The following UTRN variants were observed in gnomAD, a reference collection of about 807,000 sequenced individuals.
UTRN encodes the protein utrophin, also known as dystrophin-related protein 1.
Under a neutral mutation model 463.9 loss-of-function variants are expected in UTRN, and 283 were observed. The observed-to-expected ratio is 0.61, with a 90% CI of 0.55 to 0.67. The LOEUF (loss-of-function observed/expected upper bound fraction) is 0.67. UTRN is among the 30% of genes least tolerant of loss of function. The probability of loss-of-function intolerance (pLI) is 0.00; values close to 1 mark genes in which losing one functional copy is unlikely to be tolerated. For synonymous variants in UTRN, 1,442 were observed against 1,431.5 expected (o/e 1.01, Z -0.17); for missense variants, 3,922 against 4,084.3 (o/e 0.96, Z 1.08).
chr6:144,405,168 A>G (rs1343043286), intron 3 of UTRN, among the ~76,000 whole-genome samples: 1 of 152,242 alleles, frequency 6.6e-6, no homozygotes, highest in Non-Finnish European at 1.5e-5. Flanking sequence ...AAAACTACCA[A>G]ACGTGGGATG....
chr6:144,471,695 T>C (rs774242302), intron 23 of UTRN, among the ~76,000 whole-genome samples: 1 of 152,044 alleles, frequency 6.6e-6, no homozygotes, highest in African/African-American at 2.4e-5. Context: ...TATATAAGGG[T>C]AGCATGGACC....
At chr6:144,514,523 T>C (rs755859003) in intron 36 of UTRN, 127 bp from the exon 37 acceptor site, 249 of 968,352 alleles carry the variant, frequency 2.6e-4, no homozygotes, top group Non-Finnish European at 3.7e-4. Context: ...CCTGGTTGAT[T>C]ATGCTGAAAT....
At chr6:144,560,403 T>A (rs1799760042) in intron 50 of UTRN, among the ~76,000 whole-genome samples, 1 of 151,452 alleles carries the variant, frequency 6.6e-6, no homozygotes, top group South Asian at 2.1e-4. Context: ...CCATATCAGA[T>A]GAAAGATACG....
intron 69 of UTRN, among the ~76,000 whole-genome samples, chr6:144,832,489 G>C (rs1780751665): frequency 6.6e-6 from 1 of 152,124 alleles, no homozygotes; most frequent in Admixed American, 6.6e-5. Context: ...TTTCACTATG[G>C]ATAGTCAGTC....
At chr6:144,480,911 T>C (rs1791793362) in intron 26 of UTRN, among the ~76,000 whole-genome samples, 1 of 152,200 alleles carries the variant, frequency 6.6e-6, no homozygotes, top group Admixed American at 6.5e-5. Flanking sequence ...GGAGACTTGT[T>C]GGAAGTTGTT....
chr6:144,466,228 T>C (rs1024373718), intron 23 of UTRN, among the ~76,000 whole-genome samples: 1 of 152,246 alleles, frequency 6.6e-6, no homozygotes, highest in Non-Finnish European at 1.5e-5. Flanking sequence ...ACATCTTTCA[T>C]TGATACAGCA....
intron 51 of UTRN, among the ~76,000 whole-genome samples, chr6:144,603,497 A>G (rs2128637841): frequency 1.3e-5 from 2 of 152,190 alleles, no homozygotes; most frequent in South Asian, 4.1e-4. Context: ...ATTTTTTGTT[A>G]TATTTATTGA....
At chr6:144,689,625 G>T (rs370259521) in intron 52 of UTRN, among the ~76,000 whole-genome samples, 3 of 152,220 alleles carry the variant, frequency 2.0e-5, no homozygotes, top group African/African-American at 4.8e-5. Flanking sequence ...GGGAATGTCT[G>T]CAAGGGATCC....
chr6:144,581,409 G>A (rs1801953692), intron 51 of UTRN, among the ~76,000 whole-genome samples: 1 of 152,162 alleles, frequency 6.6e-6, no homozygotes, highest in South Asian at 2.1e-4. Context: ...GAGTTCTGCT[G>A]CCTTTCTGGA....
intron 2 of UTRN, among the ~76,000 whole-genome samples, chr6:144,347,728 CT>C (rs1439021390): frequency 6.6e-6 from 1 of 151,652 alleles, no homozygotes; most frequent in Non-Finnish European, 1.5e-5. Context: ...AGGTTGAGAA[CT>C]TTGGGAAAGA....
Position 144,699,837 on chromosome 6 carries a change from G to A in UTRN, c.7653-250G>A, listed in dbSNP as rs1439725908. 4.7e-5 allele frequency among the ~76,000 whole-genome samples: 7 copies of A among 148,282 alleles called. No individual in the cohort carries two copies. In the East Asian group the frequency reaches 7.8e-4, roughly 17 times the overall value. Reference sequence around the variant, plus strand: ...TCTTACAGGAAATGGATATATGTGTGTATACATATGTATAAATATATATAC... The same window carrying A: ...TCTTACAGGAAATGGATATATGTGTATATACATATGTATAAATATATATAC... On this transcript the variant is annotated intron_variant, in intron 52 of 74. Coordinates refer to ENST00000367545, the MANE Select transcript of UTRN (RefSeq NM_007124.3).
chr6:144,644,026 C>T (rs1325739598), intron 51 of UTRN, among the ~76,000 whole-genome samples: 7 of 152,010 alleles, frequency 4.6e-5, no homozygotes, highest in Non-Finnish European at 7.4e-5. Flanking sequence ...TATTGAATCA[C>T]GTATGACTAA....
intron 23 of UTRN, among the ~76,000 whole-genome samples, chr6:144,466,803 T>A (rs1790005674): frequency 6.6e-6 from 1 of 152,214 alleles, no homozygotes; most frequent in South Asian, 2.1e-4. Context: ...GCCCTATGTA[T>A]AACTGGGAAA....
At chr6:144,764,901 T>C (rs1038203965) in intron 58 of UTRN, among the ~76,000 whole-genome samples, 1 of 152,208 alleles carries the variant, frequency 6.6e-6, no homozygotes, top group Non-Finnish European at 1.5e-5. Context: ...TCCCCTCAAC[T>C]GTTGTGGGAA....
At chr6:144,699,068 T>C (rs1188174091) in intron 52 of UTRN, among the ~76,000 whole-genome samples, 1 of 152,222 alleles carries the variant, frequency 6.6e-6, no homozygotes, top group Non-Finnish European at 1.5e-5. Context: ...ACATTGCTAT[T>C]GTTCTGCTTT....
intron 2 of UTRN, among the ~76,000 whole-genome samples, chr6:144,323,309 A>G (rs1221790873): frequency 6.6e-6 from 1 of 152,232 alleles, no homozygotes; most frequent in Non-Finnish European, 1.5e-5. Flanking sequence ...TAACTACTAT[A>G]AAGATTATTT....
At chr6:144,339,773 C>A (rs1015636900) in intron 2 of UTRN, among the ~76,000 whole-genome samples, 1 of 152,126 alleles carries the variant, frequency 6.6e-6, no homozygotes, top group Non-Finnish European at 1.5e-5. Flanking sequence ...CACCCCCTCC[C>A]AATTTTTTCT....
chr6:144,479,114 GTT>G lies in UTRN; in HGVS notation c.3337-677_3337-676del, dbSNP rs36044387. Among the ~76,000 whole-genome samples the G allele has an allele frequency of 8.6e-3, 982 of 114,658 alleles. 4 individuals carry two copies. Among genetic ancestry groups the G allele is most frequent in the African/African-American group, 0.033 (920 of 27,542 alleles). 75.2% of individuals were successfully genotyped at this position (114,658 alleles called of 152,430 possible). On this transcript the variant is annotated intron_variant, in intron 25 of 74. Transcript: ENST00000367545. ...ATGGACATTTTGATTGCTTCTAGGG[GTT>G]TTTTTTTTTTTTTTTTTTTTGAGAC...
intron 2 of UTRN, among the ~76,000 whole-genome samples, chr6:144,300,865 A>G (rs1805182013): frequency 6.6e-6 from 1 of 152,250 alleles, no homozygotes; most frequent in African/African-American, 2.4e-5. Context: ...CCCCGAAGCA[A>G]ATAGACTTTA....
Sources: gnomAD v4.1 joint callset for allele counts (sites outside exome capture counted in the v4.1 genomes callset) on GRCh38, gnomAD v4.1.1 for gene constraint, MANE v1.5 for transcripts, NCBI Gene and HGNC (gene_info 2026-07-23, HGNC 2026-07-21) for gene names.